SLC29A3: variants seen among roughly 807,000 people sequenced by gnomAD.
SLC29A3 encodes solute carrier family 29 member 3, also known as equilibrative nucleoside transporter 3.
Under a neutral mutation model 25.4 loss-of-function variants are expected in SLC29A3, and 18 were observed. The ratio of observed to expected loss-of-function variants is 0.71; its 90% CI spans 0.49 to 1.05. The LOEUF (loss-of-function observed/expected upper bound fraction) is 1.05, where lower values mean the gene tolerates loss of function less well. Among genes scored for constraint, SLC29A3 ranks in the 50% least tolerant of loss-of-function variants. The pLI is 0.00. For missense variants in SLC29A3, 586 were observed against 609.0 expected, an observed-to-expected ratio of 0.96 and a Z score of 0.40; for synonymous variants, 258 against 267.1, an observed-to-expected ratio of 0.97 and a Z score of 0.33.
chr10:71,349,794 T>C (rs1846702754), intron 3 of SLC29A3, among the ~76,000 whole-genome samples: 1 of 152,122 alleles, frequency 6.6e-6, no homozygotes, highest in South Asian at 2.1e-4. Flanking sequence ...TCACTCTCTC[T>C]CCCAAGACAC....
intron 2 of SLC29A3, among the ~76,000 whole-genome samples, chr10:71,337,716 G>A (rs747133086): frequency 6.6e-6 from 1 of 152,236 alleles, no homozygotes; most frequent in Non-Finnish European, 1.5e-5. Flanking sequence ...GTCTGCCAGA[G>A]ATAAACGGGC....
At chr10:71,339,341 TG>T (rs1195111488) in intron 2 of SLC29A3, among the ~76,000 whole-genome samples, 1 of 152,318 alleles carries the variant, frequency 6.6e-6, no homozygotes, top group Admixed American at 6.5e-5. Flanking sequence ...GACTGGATGT[TG>T]AGTCCCACAC....
Position 71,351,543 on chromosome 10 carries a change from T to G in SLC29A3, c.384-19T>G. On this transcript the variant is annotated intron_variant, in intron 3 of 5. Coordinates refer to ENST00000373189, the MANE Select transcript of SLC29A3 (RefSeq NM_018344.6). Reference sequence around the variant, plus strand: ...AGCCCCGAAGGGGTGTCTAACTGCTTCTGGCATCCTCGCCCCAGGGTTGCA... The same window carrying G: ...AGCCCCGAAGGGGTGTCTAACTGCTGCTGGCATCCTCGCCCCAGGGTTGCA... 6.2e-7 allele frequency: 1 copy of G among 1,612,868 alleles called. No individual in the cohort carries two copies. Among genetic ancestry groups the G allele is most frequent in the Non-Finnish European group, 8.5e-7 (1 of 1,178,906 alleles).
intron 3 of SLC29A3, among the ~76,000 whole-genome samples, chr10:71,371,722 A>T (rs1847212326): frequency 6.6e-6 from 1 of 152,178 alleles, no homozygotes; most frequent in Admixed American, 6.5e-5. Context: ...CTGTTTCCTT[A>T]TCTGTAAAAG....
intron 2 of SLC29A3, among the ~76,000 whole-genome samples, chr10:71,334,707 A>G (rs1846200102): frequency 6.6e-6 from 1 of 152,130 alleles, no homozygotes; most frequent in Non-Finnish European, 1.5e-5. Flanking sequence ...GTGATCCCGC[A>G]GTGCACCTCC....
intron 2 of SLC29A3, among the ~76,000 whole-genome samples, chr10:71,338,946 C>T (rs1180149549): frequency 2.0e-5 from 3 of 152,180 alleles, no homozygotes; most frequent in African/African-American, 7.2e-5. Context: ...ACCGCGACCC[C>T]AGTGATAGTG....
At chr10:71,321,438 AG>A (rs1185578434) in intron 1 of SLC29A3, among the ~76,000 whole-genome samples, 12 of 152,202 alleles carry the variant, frequency 7.9e-5, no homozygotes, top group Non-Finnish European at 1.6e-4. Flanking sequence ...CTACTGCAGA[AG>A]GGACTCTGAA....
chr10:71,327,188 C>A (rs564387018), intron 2 of SLC29A3, among the ~76,000 whole-genome samples: 1 of 152,148 alleles, frequency 6.6e-6, no homozygotes. Flanking sequence ...GAGCTTGACC[C>A]AGGAGGAAGG....
chr10:71,365,645 G>A (rs780688), downstream of SLC29A3: 2 of 152,086 alleles, frequency 1.3e-5, no homozygotes, highest in Non-Finnish European at 2.9e-5. Context: ...CTTCACAGAG[G>A]GTCATTCCCT....
downstream of SLC29A3, chr10:71,365,838 C>A (rs1186052315): frequency 3.3e-5 from 5 of 151,922 alleles, no homozygotes; most frequent in Admixed American, 2.6e-4. Flanking sequence ...GAGGGGTGAA[C>A]AAAACTCACC....
At chr10:71,368,086 C>T (rs1847183987), downstream of SLC29A3, among the ~76,000 whole-genome samples, 1 of 152,030 alleles carries the variant, frequency 6.6e-6, no homozygotes, top group Admixed American at 6.6e-5. Context: ...AAAAATTAGC[C>T]AGGCCTAGTG....
chr10:71,354,160 A>G (rs1188406076), intron 4 of SLC29A3, among the ~76,000 whole-genome samples: 4 of 152,222 alleles, frequency 2.6e-5, no homozygotes, highest in Admixed American at 2.6e-4. Context: ...TTTGTTTGGT[A>G]TTTGGCACTT....
chr10:71,367,101 T>G (rs1204895424), downstream of SLC29A3, among the ~76,000 whole-genome samples: 2 of 152,156 alleles, frequency 1.3e-5, no homozygotes, highest in African/African-American at 2.4e-5. Flanking sequence ...CATGCTGTGT[T>G]GTAGGGGAAT....
chr10:71,352,615 C>G (rs547330850), intron 4 of SLC29A3: 1 of 152,368 alleles, frequency 6.6e-6, no homozygotes, highest in African/African-American at 2.4e-5. Flanking sequence ...CACCAGTCCC[C>G]TCGGAGCTGA....
intron 2 of SLC29A3, among the ~76,000 whole-genome samples, chr10:71,326,486 C>T (rs907305856): frequency 5.3e-5 from 8 of 152,206 alleles, no homozygotes; most frequent in African/African-American, 1.7e-4. Flanking sequence ...ACCAGTGACT[C>T]CAACGTCCCA....
At chr10:71,377,521 G>A (rs1847262279) in intron 4 of SLC29A3, among the ~76,000 whole-genome samples, 1 of 152,344 alleles carries the variant, frequency 6.6e-6, no homozygotes, top group East Asian at 1.9e-4. Context: ...CGGGAGCCGG[G>A]CCGCACAGCC....
Position 71,353,642 on chromosome 10 carries a change from C to T in SLC29A3, c.610+1854C>T, listed in dbSNP as rs191921519. 1.1e-3 allele frequency among the ~76,000 whole-genome samples: 160 copies of T among 152,276 alleles called. 1 individual carries two copies. The highest frequency in any genetic ancestry group is 3.6e-3 in the African/African-American group (150 of 41,558). ...CGTGGTCACCACTGTATTGGGCCCT[C>T]GTGGGTGCCCAACACCCTGGAAAAT... is the stretch of plus-strand genomic sequence containing the variant. On this transcript the variant is annotated intron_variant, in intron 4 of 5. Transcript: ENST00000373189.
intron 5 of SLC29A3, 61 bp from the exon 6 acceptor site, chr10:71,361,893 G>A: frequency 6.2e-7 from 1 of 1,600,644 alleles, no homozygotes; most frequent in Non-Finnish European, 8.5e-7. Context: ...GCCCACCCCT[G>A]GCTGTGCTGA....
At chr10:71,359,440 A>T in intron 5 of SLC29A3, among the ~76,000 whole-genome samples, 1 of 152,226 alleles carries the variant, frequency 6.6e-6, no homozygotes, top group East Asian at 1.9e-4. Context: ...CTTGGTGGGG[A>T]ATTTCCTGAG....
Sources: allele counts gnomAD v4.1 joint callset (sites outside exome capture counted in the v4.1 genomes callset), GRCh38; gene constraint gnomAD v4.1.1; transcripts MANE v1.5; gene names NCBI Gene and HGNC (gene_info 2026-07-23, HGNC 2026-07-21).